IQSEC3: variants seen among roughly 807,000 people sequenced by gnomAD.
IQSEC3 encodes IQ motif and SEC7 domain-containing protein 3.
In IQSEC3, 50 loss-of-function variants were observed where a neutral mutation model predicts 105.4. That is an observed-to-expected ratio of 0.47 (90% CI 0.38 to 0.60). The LOEUF is 0.60. Ranked by LOEUF, IQSEC3 falls within the 20% of genes least tolerant of loss-of-function variation. The pLI is 0.00. For synonymous variants in IQSEC3, 708 were observed against 746.0 expected (o/e 0.95, Z 0.83); for missense variants, 1,415 against 1,630.0 (o/e 0.87, Z 2.27).
At chr12:78,535 G>A (rs1863637906) in intron 1 of IQSEC3, among the ~76,000 whole-genome samples, 1 of 151,776 alleles carries the variant, frequency 6.6e-6, no homozygotes, top group African/African-American at 2.4e-5. Flanking sequence ...AAAACTCCCA[G>A]CCTTATCTTG....
intron 3 of IQSEC3, among the ~76,000 whole-genome samples, chr12:127,655 C>T (rs1005976847): frequency 1.3e-5 from 2 of 152,098 alleles, no homozygotes; most frequent in Non-Finnish European, 2.9e-5. Flanking sequence ...TAGCATAAGA[C>T]ATTCAGGCCC....
At chr12:68,940 C>T (rs1344992913) in intron 1 of IQSEC3, among the ~76,000 whole-genome samples, 3 of 152,098 alleles carry the variant, frequency 2.0e-5, no homozygotes, top group African/African-American at 7.3e-5. Context: ...ACCCCAACTC[C>T]CTCAAAACCC....
chr12:103,174 G>A (rs1367788651), intron 2 of IQSEC3, among the ~76,000 whole-genome samples: 1 of 151,790 alleles, frequency 6.6e-6, no homozygotes, highest in African/African-American at 2.4e-5. Context: ...CGATCCTGCC[G>A]CCTCCCTTCC....
rs1865847875 is a variant in IQSEC3 at position 138,197 on chromosome 12, A to T, written c.904-70A>T. The stretch of plus-strand genomic sequence containing the variant: ...CACCCGAGTGTGGCCGGGTGACTCC[A>T]CCACTCCTCAGAAGGGCTGACCACC... On this transcript the variant is annotated intron_variant, in intron 3 of 13. Coordinates refer to ENST00000538872, the MANE Select transcript of IQSEC3 (RefSeq NM_001170738.2). This position sits in a 1 kb window ranked among gnomAD's most constrained non-coding sequence, Gnocchi z 7.1. The T allele has an allele frequency of 7.1e-7, 1 of 1,399,318 alleles. No homozygotes were observed. The highest frequency in any genetic ancestry group is 2.0e-5 in the Admixed American group (1 of 50,046). The allele number at this position is 1,399,318 out of a possible 1,614,324, so 86.7% of individuals were successfully genotyped here.
At chr12:150,927 G>A (rs564734478) in intron 5 of IQSEC3, among the ~76,000 whole-genome samples, 16 of 152,122 alleles carry the variant, frequency 1.1e-4, no homozygotes, top group South Asian at 4.1e-4. Flanking sequence ...CTCAAACTTC[G>A]TGTGCCCCAA....
At chr12:83,441 T>C (rs1306486386) in intron 1 of IQSEC3, among the ~76,000 whole-genome samples, 3 of 151,476 alleles carry the variant, frequency 2.0e-5, no homozygotes, top group Non-Finnish European at 2.9e-5. Context: ...AGGGGGAGGA[T>C]AGCTCTGAAG....
At chr12:135,365 G>C (rs1865729011) in intron 3 of IQSEC3, among the ~76,000 whole-genome samples, 1 of 152,178 alleles carries the variant, frequency 6.6e-6, no homozygotes, top group Non-Finnish European at 1.5e-5. Context: ...ATTTCCACAG[G>C]AGCAGGAACA....
rs142402013 is a variant in IQSEC3 at position 142,858 on chromosome 12, G to A, written c.2153+1573G>A. Among the ~76,000 whole-genome samples the A allele has an allele frequency of 3.3e-5, 5 of 152,272 alleles. No individual in the cohort carries two copies. The East Asian group carries it at 9.7e-4, about 29-fold the overall frequency. On this transcript the variant is annotated intron_variant, in intron 5 of 13. Transcript: ENST00000538872. The stretch of plus-strand genomic sequence containing the variant: ...CTCATCTCTCTGGCTTTCCTGCACT[G>A]TTGTCCCAGTCCATCCCTTCCCAAG...
Position 138,526 on chromosome 12 carries a change from C to A in IQSEC3, c.1163C>A (p.Pro388Gln). The change falls in exon 4 of 14, where the codon CCG becomes CAG. Residue 388 changes from proline to glutamine, a missense_variant. Pro to Gln is a moderately conservative substitution (Grantham distance 76). Around this residue, in one of 6 missense-constraint regions of IQSEC3, gnomAD observed 720 missense variants for 633.0 expected, o/e 1.14. Transcript: ENST00000538872. The surrounding 1 kb of genome is among the most constrained non-coding windows in gnomAD (Gnocchi z 7.1). ...CCGCTGGTGCGCTCGCCCTCCCTGC[C>A]GCCCACCTTCGCAGGCACCCTCACC... ...GLPLVRSPSLPPTFAGTLTEL... is the reference protein window; with the variant it reads ...GLPLVRSPSLQPTFAGTLTEL... The A allele has an allele frequency of 1.3e-6, 2 of 1,576,746 alleles. No individual in the cohort carries two copies. Among genetic ancestry groups the A allele is most frequent in the South Asian group, 1.1e-5 (1 of 87,868 alleles).
rs1461707658 is a variant in IQSEC3, at chr12:174,809, C to G, written c.3325C>G (p.Arg1109Gly). Reference protein sequence around the residue: ...VIVLDKPCLARMEPLLSQALS... With the variant: ...VIVLDKPCLAGMEPLLSQALS... ...TGTCCTGGACAAGCCCTGCCTGGCC[C>G]GCATGGAGCCCCTGCTGAGCCAGGC... The change falls in exon 14 of 14, where the codon CGC becomes GGC. Residue 1109 changes from arginine (R) to glycine (G), a missense_variant. By Grantham distance (125) the Arg-to-Gly change is moderately radical. Transcript: ENST00000538872. 1 of 1,583,782 alleles carries G rather than the reference C, an allele frequency of 6.3e-7. No homozygotes were observed. Among genetic ancestry groups the G allele is most frequent in the East Asian group, 2.3e-5 (1 of 44,146 alleles).
intron 1 of IQSEC3, among the ~76,000 whole-genome samples, chr12:74,169 A>G (rs1427550999): frequency 6.6e-6 from 1 of 152,190 alleles, no homozygotes; most frequent in Non-Finnish European, 1.5e-5. Context: ...AGTGCTTCCC[A>G]CTTCTTCAGA....
chr12:115,629 A>C (rs938011108), intron 2 of IQSEC3, among the ~76,000 whole-genome samples: 6 of 152,182 alleles, frequency 3.9e-5, no homozygotes, highest in Admixed American at 3.9e-4. Context: ...CTTCGTGTAG[A>C]TTATTTCACT....
intron 2 of IQSEC3, among the ~76,000 whole-genome samples, chr12:104,720 C>T (rs1239939079): frequency 1.3e-5 from 2 of 152,224 alleles, no homozygotes; most frequent in Non-Finnish European, 2.9e-5. Flanking sequence ...GGGGCTCTGC[C>T]GAGGCCGCCA....
chr12:153,916 G>A (rs1028431203), intron 5 of IQSEC3, among the ~76,000 whole-genome samples: 2 of 152,114 alleles, frequency 1.3e-5, no homozygotes, highest in African/African-American at 4.8e-5. Flanking sequence ...TGATTCCCAG[G>A]ACTTGCCCCC....
At chr12:118,299 T>C (rs1865113055) in intron 2 of IQSEC3, among the ~76,000 whole-genome samples, 2 of 152,200 alleles carry the variant, frequency 1.3e-5, no homozygotes, top group Admixed American at 6.5e-5. Context: ...ACCCCCCTCA[T>C]GCCATCTGGG....
At chr12:135,206 G>C (rs563937978) in intron 3 of IQSEC3, among the ~76,000 whole-genome samples, 2 of 152,218 alleles carry the variant, frequency 1.3e-5, no homozygotes, top group Non-Finnish European at 2.9e-5. Context: ...GAAATTGAGA[G>C]AAAAGGAGAC....
chr12:172,574 C>T (rs1939064731), intron 13 of IQSEC3, among the ~76,000 whole-genome samples: 1 of 152,206 alleles, frequency 6.6e-6, no homozygotes, highest in African/African-American at 2.4e-5. Context: ...ACGCAGAGGG[C>T]AGCCTCGCCT....
At chr12:103,973 G>A (rs1555077184) in intron 2 of IQSEC3, among the ~76,000 whole-genome samples, 1 of 141,518 alleles carries the variant, frequency 7.1e-6, no homozygotes, top group Non-Finnish European at 1.5e-5. Flanking sequence ...AGGGATCTGG[G>A]TAGGGGTCTA....
rs782575514 is a variant in IQSEC3 at position 157,553 on chromosome 12, G to A, written c.2302G>A (p.Glu768Lys). The change falls in exon 7 of 14, where the codon GAA becomes AAA. Residue 768 changes from glutamate to lysine, a missense_variant. Transcript: ENST00000538872. ...CCAGCGCTACTGCATGTGCAACCCC[G>A]AAGTGGTTCAGCAGTTCCACAACCC... ...FSQRYCMCNP[E>K]VVQQFHNPDT... The A allele has an allele frequency of 2.0e-5, 32 of 1,613,906 alleles. No individual in the cohort carries two copies. Among genetic ancestry groups the A allele is most frequent in the Middle Eastern group, 1.6e-4 (1 of 6,082 alleles).
Sources: gnomAD v4.1 joint callset for allele counts (sites outside exome capture counted in the v4.1 genomes callset) on GRCh38, gnomAD v4.1.1 for gene constraint, gnomAD v4.1.1 regional missense constraint, Gnocchi (gnomAD v3.1) non-coding constraint, MANE v1.5 for transcripts, NCBI Gene and HGNC (gene_info 2026-07-23, HGNC 2026-07-21) for gene names.